The following IMMP2L variants were observed in gnomAD, a reference collection of about 807,000 sequenced individuals.
IMMP2L encodes mitochondrial inner membrane protease subunit 2.
In IMMP2L, 18 loss-of-function variants were observed where a neutral mutation model predicts 19.3. The ratio of observed to expected loss-of-function variants is 0.93; its 90% CI spans 0.64 to 1.38. The LOEUF (loss-of-function observed/expected upper bound fraction) is 1.38, where lower values mean the gene tolerates loss of function less well. Ranked by LOEUF, IMMP2L falls within the 40% of genes most tolerant of loss-of-function variation. The pLI is 0.00. For missense variants in IMMP2L, 233 were observed against 218.2 expected (o/e 1.07, Z -0.43); for synonymous variants, 76 against 73.0 (o/e 1.04, Z -0.21).
At chr7:110,976,304 A>G (rs1229678025) in intron 3 of IMMP2L, among the ~76,000 whole-genome samples, 1 of 152,026 alleles carries the variant, frequency 6.6e-6, no homozygotes, top group African/African-American at 2.4e-5. Flanking sequence ...ATATACGAAG[A>G]TATTGCTATT....
chr7:110,780,063 A>C (rs1799634361), intron 5 of IMMP2L, among the ~76,000 whole-genome samples: 1 of 151,734 alleles, frequency 6.6e-6, no homozygotes, highest in Non-Finnish European at 1.5e-5. Context: ...TACCTTTTGT[A>C]CTGTCTTTAA....
chr7:111,200,428 AGT>A (rs1809974252), intron 3 of IMMP2L, among the ~76,000 whole-genome samples: 1 of 152,122 alleles, frequency 6.6e-6, no homozygotes, highest in Non-Finnish European at 1.5e-5. Flanking sequence ...ACACCATCAA[AGT>A]TTGCCCAACA....
At chr7:111,495,142 A>G (rs1245940080) in intron 2 of IMMP2L, among the ~76,000 whole-genome samples, 2 of 152,176 alleles carry the variant, frequency 1.3e-5, no homozygotes, top group African/African-American at 4.8e-5. Flanking sequence ...ACACACATAC[A>G]GATATATATA....
At chr7:111,064,510 T>C (rs1481712849) in intron 3 of IMMP2L, among the ~76,000 whole-genome samples, 1 of 152,086 alleles carries the variant, frequency 6.6e-6, no homozygotes. Context: ...TTCTCCCATA[T>C]CTAGGATTCA....
chr7:111,537,496 T>A (rs1395590745), intron 1 of IMMP2L, among the ~76,000 whole-genome samples: 1 of 151,700 alleles, frequency 6.6e-6, no homozygotes, highest in Non-Finnish European at 1.5e-5. Flanking sequence ...TAAGGCTAAT[T>A]ATGATTAGAT....
intron 3 of IMMP2L, among the ~76,000 whole-genome samples, chr7:111,011,625 A>C (rs1444257657): frequency 2.6e-5 from 4 of 152,286 alleles, no homozygotes; most frequent in Middle Eastern, 3.4e-3. Flanking sequence ...ATATGATGTG[A>C]GAGTTTGCAG....
chr7:110,807,613 T>A (rs1049039549), intron 5 of IMMP2L, among the ~76,000 whole-genome samples: 19 of 152,150 alleles, frequency 1.2e-4, no homozygotes, highest in South Asian at 2.1e-4. Context: ...TTAAAAAAAA[T>A]TTAAATAAAT....
rs547181045 is a variant in IMMP2L, at chr7:111,444,562, A to AT, written c.239+42675dup. ...TTAAGTGCCTGCAAATAAGTGTTGA[A>AT]TTTTTTTAAATTATTTTTTACTTTT... is the stretch of plus-strand genomic sequence containing the variant. On this transcript the variant is annotated intron_variant, in intron 3 of 5. Coordinates refer to ENST00000405709, the MANE Select transcript of IMMP2L (RefSeq NM_032549.4). Among the ~76,000 whole-genome samples the AT allele has an allele frequency of 5.7e-4, 86 of 152,210 alleles. 2 individuals are homozygous for AT. Among genetic ancestry groups the AT allele is most frequent in the African/African-American group, 1.9e-3 (80 of 41,538 alleles).
chr7:111,061,595 A>G (rs1794021637), intron 3 of IMMP2L, among the ~76,000 whole-genome samples: 1 of 152,054 alleles, frequency 6.6e-6, no homozygotes, highest in African/African-American at 2.4e-5. Flanking sequence ...ATACATCTCA[A>G]GTCCACAGGT....
intron 3 of IMMP2L, among the ~76,000 whole-genome samples, chr7:111,073,314 T>A (rs963203940): frequency 1.3e-5 from 2 of 152,036 alleles, no homozygotes. Context: ...TGAGAGTGGG[T>A]GTGACAGACA....
At chr7:111,030,649 C>T (rs1210303130) in intron 3 of IMMP2L, among the ~76,000 whole-genome samples, 2 of 151,918 alleles carry the variant, frequency 1.3e-5, no homozygotes, top group Non-Finnish European at 2.9e-5. Flanking sequence ...AAGTTCTCAA[C>T]TATGAAAGGT....
intron 2 of IMMP2L, among the ~76,000 whole-genome samples, chr7:111,507,188 G>A (rs1276954157): frequency 2.0e-5 from 3 of 152,088 alleles, no homozygotes; most frequent in Non-Finnish European, 2.9e-5. Context: ...ATCTCTACCC[G>A]AGGCTATTTC....
chr7:111,548,007 C>A (rs964769360), intron 1 of IMMP2L, among the ~76,000 whole-genome samples: 15 of 152,060 alleles, frequency 9.9e-5, no homozygotes, highest in African/African-American at 3.1e-4. Context: ...CAGGTGTGAG[C>A]CACTGCACCT....
intron 4 of IMMP2L, among the ~76,000 whole-genome samples, chr7:110,953,895 T>C (rs1478234424): frequency 6.6e-6 from 1 of 152,116 alleles, no homozygotes; most frequent in African/African-American, 2.4e-5. Flanking sequence ...TTGTGGTTTT[T>C]ACTTGCATTT....
chr7:111,482,130 C>T (rs1213909475), intron 3 of IMMP2L, among the ~76,000 whole-genome samples: 1 of 152,156 alleles, frequency 6.6e-6, no homozygotes, highest in South Asian at 2.1e-4. Context: ...TAACAAGCAG[C>T]AATCACCACA....
intron 3 of IMMP2L, among the ~76,000 whole-genome samples, chr7:111,147,294 T>G (rs781690527): frequency 6.6e-6 from 1 of 152,136 alleles, no homozygotes; most frequent in Non-Finnish European, 1.5e-5. Context: ...TCAAATATCT[T>G]GTGATTGATG....
At chr7:111,200,193 C>T (rs1420780257) in intron 3 of IMMP2L, among the ~76,000 whole-genome samples, 2 of 151,938 alleles carry the variant, frequency 1.3e-5, no homozygotes, top group Non-Finnish European at 2.9e-5. Flanking sequence ...TCCTTTCTGC[C>T]ACACAAAACT....
intron 5 of IMMP2L, among the ~76,000 whole-genome samples, chr7:110,669,027 ATGTGTGTGTGTGTGTGTGTGTGTGCG>A (rs1468520893): frequency 0.017 from 299 of 18,018 alleles, 3 homozygotes; most frequent in Middle Eastern, 0.083. Context: ...AACCAACAGT[ATGTGTGTGTGTGTGTGTGTGTGTGCG>A]TGTGTGTGTG....
chr7:111,448,457 T>A (rs1466122673), intron 3 of IMMP2L, among the ~76,000 whole-genome samples: 2 of 149,994 alleles, frequency 1.3e-5, no homozygotes, highest in Non-Finnish European at 3.0e-5. Context: ...CCTGAATGAC[T>A]ACTGGGTACA....
Sources: allele counts gnomAD v4.1 joint callset (sites outside exome capture counted in the v4.1 genomes callset), GRCh38; gene constraint gnomAD v4.1.1; transcripts MANE v1.5; gene names NCBI Gene and HGNC (gene_info 2026-07-23, HGNC 2026-07-21).